The following NFIX variants were observed in gnomAD, a reference collection of about 807,000 sequenced individuals.
NFIX encodes nuclear factor I X, also known as nuclear factor 1 X-type.
NFIX carries 2 observed loss-of-function variants against 53.3 expected under a neutral mutation model. The observed-to-expected ratio is 0.04, with a 90% CI of 0.02 to 0.12. The LOEUF is 0.12. Ranked by LOEUF, NFIX falls within the 10% of genes least tolerant of loss-of-function variation. NFIX has a pLI of 1.00. For missense variants in NFIX, 310 were observed against 674.5 expected, an observed-to-expected ratio of 0.46 and a Z score of 5.99; for synonymous variants, 244 against 289.0, an observed-to-expected ratio of 0.84 and a Z score of 1.58.
intron 10 of NFIX, among the ~76,000 whole-genome samples, chr19:13,092,057 G>A (rs781041696): frequency 9.2e-5 from 14 of 152,166 alleles, no homozygotes; most frequent in South Asian, 4.1e-4. Flanking sequence ...TTGGGGGAGC[G>A]GAAGCTGGAC....
Position 13,027,071 on chromosome 19 carries a change from C to G in NFIX, c.559+1519C>G, listed in dbSNP as rs1217706733. Among the ~76,000 whole-genome samples the G allele has an allele frequency of 6.6e-6, 1 of 152,134 alleles. No individual in the cohort carries two copies. Among genetic ancestry groups the G allele is most frequent in the African/African-American group, 2.4e-5 (1 of 41,428 alleles). ...AATGTAATCTAGACTAGAGTGAGCC[C>G]TGAGTTTACATGTTGGAGAACTGTG... On this transcript the variant is annotated intron_variant, in intron 2 of 10. Transcript: ENST00000592199. The surrounding 1 kb of genome is among the most constrained non-coding windows in gnomAD (Gnocchi z 4.3).
At chr19:13,018,831 AGCC>A (rs1401777691) in intron 1 of NFIX, among the ~76,000 whole-genome samples, 5 of 152,254 alleles carry the variant, frequency 3.3e-5, no homozygotes, top group Admixed American at 3.3e-4. Flanking sequence ...AGGGTTACGA[AGCC>A]GGCTTCTTTT....
chr19:13,004,303 A>T (rs143068524), intron 1 of NFIX, among the ~76,000 whole-genome samples: 1 of 152,202 alleles, frequency 6.6e-6, no homozygotes, highest in Non-Finnish European at 1.5e-5. Flanking sequence ...ATGCACCCAC[A>T]TACACAGTCA....
In NFIX at chr19:13,069,055, A is replaced by G. The variant is rs8099892; in HGVS notation, c.560-3992A>G. Among the ~76,000 whole-genome samples, 531 of 152,380 alleles carry G rather than the reference A, an allele frequency of 3.5e-3. 6 individuals carry two copies. Among genetic ancestry groups the G allele is most frequent in the African/African-American group, 0.012 (514 of 41,590 alleles). On this transcript the variant is annotated intron_variant, in intron 2 of 10. Transcript: ENST00000592199. ...GCATTTGATGGGCCAAGTGGGAAGCAGCTAAGAGCACAGAAAGAACTCTCC... is the reference window on the plus strand; with the variant it reads ...GCATTTGATGGGCCAAGTGGGAAGCGGCTAAGAGCACAGAAAGAACTCTCC...
chr19:13,056,763 C>T (rs1224538053), intron 2 of NFIX, among the ~76,000 whole-genome samples: 1 of 152,232 alleles, frequency 6.6e-6, no homozygotes, highest in Non-Finnish European at 1.5e-5. Context: ...AAAATGCAAA[C>T]TCAGGGCACC....
rs2017908479 is a variant in NFIX, at chr19:13,088,240, C to T, written c.1402+104C>T. On this transcript the variant is annotated intron_variant, in intron 9 of 10. Coordinates refer to ENST00000592199, the MANE Select transcript of NFIX (RefSeq NM_001365902.3). The surrounding 1 kb of genome is among the most constrained non-coding windows in gnomAD (Gnocchi z 5.9). ...GCCTTCCCCCTCCCCACCACCAAAG[C>T]CCCCCAACCCAGAGCACCATGGACA... is the stretch of plus-strand genomic sequence containing the variant. 2 of 1,352,512 alleles carry T rather than the reference C, an allele frequency of 1.5e-6. No individual in the cohort carries two copies. The highest frequency in any genetic ancestry group is 1.5e-5 in the African/African-American group (1 of 68,508). The allele number at this position is 1,352,512 out of a possible 1,614,324, so 83.8% of individuals were successfully genotyped here. A position where few individuals can be genotyped will look rare whatever the true frequency, so the allele number is the denominator to read the frequency against.
intron 10 of NFIX, among the ~76,000 whole-genome samples, chr19:13,092,057 G>C (rs781041696): frequency 6.6e-6 from 1 of 152,166 alleles, no homozygotes; most frequent in South Asian, 2.1e-4. Flanking sequence ...TTGGGGGAGC[G>C]GAAGCTGGAC....
chr19:13,000,182 G>A (rs899414681), intron 1 of NFIX, among the ~76,000 whole-genome samples: 2 of 152,176 alleles, frequency 1.3e-5, no homozygotes, highest in Admixed American at 6.5e-5. Context: ...CTAATCTTGC[G>A]ACCTGAAGCA....
In NFIX at chr19:13,081,159, A is replaced by G. The variant is rs2017439937; in HGVS notation, c.1079-521A>G. 6.6e-6 allele frequency among the ~76,000 whole-genome samples: 1 copy of G among 150,654 alleles called. No individual in the cohort carries two copies. The highest frequency in any genetic ancestry group is 1.5e-5 in the Non-Finnish European group (1 of 67,722). ...TAGAAAAAAAAAAAAGCAAAAATCT[A>G]CCAGGCCTGGTGGCGTGCACCTGTA... On this transcript the variant is annotated intron_variant, in intron 7 of 10. Transcript: ENST00000592199. This position sits in a 1 kb window ranked among gnomAD's most constrained non-coding sequence, Gnocchi z 4.7.
At chr19:13,038,083 TG>T (rs1454819589) in intron 2 of NFIX, among the ~76,000 whole-genome samples, 2 of 152,150 alleles carry the variant, frequency 1.3e-5, no homozygotes, top group Non-Finnish European at 2.9e-5. Flanking sequence ...TTCTGTGGCC[TG>T]GAAACCTTTT....
At chr19:13,024,279 T>C (rs2013144530) in intron 1 of NFIX, among the ~76,000 whole-genome samples, 1 of 152,222 alleles carries the variant, frequency 6.6e-6, no homozygotes, top group South Asian at 2.1e-4. Context: ...TTATTTGTGC[T>C]AACAAGAAGT....
rs1026075706 is a variant in NFIX at position 13,088,997 on chromosome 19, G to A, written c.1402+861G>A. 6.6e-6 allele frequency among the ~76,000 whole-genome samples: 1 copy of A among 152,028 alleles called. No homozygotes were observed. The highest frequency in any genetic ancestry group is 2.4e-5 in the African/African-American group (1 of 41,396). Reference sequence around the variant, plus strand: ...GTGGGCCAGGGTGGGCAGCTCTGGGGGTGGGCAGGCCACAGGCCAGGGCAG... The same window carrying A: ...GTGGGCCAGGGTGGGCAGCTCTGGGAGTGGGCAGGCCACAGGCCAGGGCAG... On this transcript the variant is annotated intron_variant, in intron 9 of 10. Coordinates refer to ENST00000592199, the MANE Select transcript of NFIX (RefSeq NM_001365902.3). The surrounding 1 kb of genome is among the most constrained non-coding windows in gnomAD (Gnocchi z 5.9).
chr19:13,041,321 A>C (rs931376107), intron 2 of NFIX, among the ~76,000 whole-genome samples: 1 of 152,226 alleles, frequency 6.6e-6, no homozygotes, highest in African/African-American at 2.4e-5. Flanking sequence ...TTATAAGACT[A>C]CTGTACATTC....
At chr19:13,007,369 C>T (rs574966131) in intron 1 of NFIX, among the ~76,000 whole-genome samples, 2 of 152,278 alleles carry the variant, frequency 1.3e-5, no homozygotes, top group Admixed American at 1.3e-4. Context: ...TAAGCCAGCT[C>T]GCTCCATCCA....
Position 13,025,570 on chromosome 19 carries a change from AT to A in NFIX, c.559+23del, listed in dbSNP as rs769213298. On this transcript the variant is annotated intron_variant, in intron 2 of 10. Coordinates refer to ENST00000592199, the MANE Select transcript of NFIX (RefSeq NM_001365902.3). This position sits in a 1 kb window ranked among gnomAD's most constrained non-coding sequence, Gnocchi z 7.5. The stretch of plus-strand genomic sequence containing the variant: ...CACTCCGGGTAGGTCGTTCTCAACC[AT>A]TTTTCCCTCTCATTTTATTTTCCTT... 11 of 1,593,594 alleles carry A rather than the reference AT, an allele frequency of 6.9e-6. No homozygotes were observed. The highest frequency in any genetic ancestry group is 2.2e-5 in the South Asian group (2 of 90,520).
At position 13,087,297 on chromosome 19, in the gene NFIX, C is replaced by T. The variant is rs1319085912; in HGVS notation, c.1255-692C>T. 2.6e-5 allele frequency among the ~76,000 whole-genome samples: 4 copies of T among 152,178 alleles called. No homozygotes were observed. In the East Asian group the frequency reaches 5.8e-4, roughly 22 times the overall value. On this transcript the variant is annotated intron_variant, in intron 8 of 10. Coordinates refer to ENST00000592199, the MANE Select transcript of NFIX (RefSeq NM_001365902.3). ...CATCCTGGCAGCCGAGCATCCATGG[C>T]GTCTGAGGGCGTTGTACAGGGAAGT...
chr19:13,011,660 A>G lies in NFIX; in HGVS notation c.28-13361A>G, dbSNP rs1175332163. 6.6e-6 allele frequency among the ~76,000 whole-genome samples: 1 copy of G among 152,106 alleles called. No homozygotes were observed. Among genetic ancestry groups the G allele is most frequent in the Non-Finnish European group, 1.5e-5 (1 of 67,984 alleles). ...CGTCTCCTCCGGGTCCCCGGAAGAG[A>G]GAAGCTGGGCTGCACCCCATGTTGG... is the stretch of plus-strand genomic sequence containing the variant. On this transcript the variant is annotated intron_variant, in intron 1 of 10. Transcript: ENST00000592199. The surrounding 1 kb of genome is among the most constrained non-coding windows in gnomAD (Gnocchi z 6.5).
intron 1 of NFIX, 92 bp from the exon 2 acceptor site, chr19:13,024,929 G>T: frequency 2.7e-6 from 4 of 1,507,870 alleles, no homozygotes; most frequent in African/African-American, 1.4e-5. Flanking sequence ...CCCTTCTAAC[G>T]CTGCTTTTCT....
Position 12,998,646 on chromosome 19 carries a change from A to G in NFIX, c.27+2782A>G, listed in dbSNP as rs55892736. ...GCCAAGAAACAGAGACACAACCAGG[A>G]TGTGAACTCACGTACACCACCATCA... On this transcript the variant is annotated intron_variant, in intron 1 of 10. Coordinates refer to ENST00000592199, the MANE Select transcript of NFIX (RefSeq NM_001365902.3). The surrounding 1 kb of genome is among the most constrained non-coding windows in gnomAD (Gnocchi z 4.4). Among the ~76,000 whole-genome samples, 49,642 of 151,894 alleles carry G rather than the reference A, an allele frequency of 0.33. 9,381 individuals are homozygous for G. The highest frequency in any genetic ancestry group is 0.65 in the East Asian group (3,335 of 5,144).
Sources: allele counts gnomAD v4.1 joint callset (sites outside exome capture counted in the v4.1 genomes callset), GRCh38; gene constraint gnomAD v4.1.1; non-coding constraint Gnocchi (gnomAD v3.1); transcripts MANE v1.5; gene names NCBI Gene and HGNC (gene_info 2026-07-23, HGNC 2026-07-21).